BRD8: variants seen among roughly 807,000 people sequenced by gnomAD.
The protein encoded by BRD8 is bromodomain containing 8.
In BRD8, 67 loss-of-function variants were observed where a neutral mutation model predicts 143.1. The observed-to-expected ratio is 0.47, with a 90% CI of 0.38 to 0.57. The LOEUF (loss-of-function observed/expected upper bound fraction) is 0.57. Among genes scored for constraint, BRD8 ranks in the 20% least tolerant of loss-of-function variants. The pLI is 0.00. For synonymous variants in BRD8, 505 were observed against 517.1 expected, an observed-to-expected ratio of 0.98 and a Z score of 0.32; for missense variants, 1,103 against 1,503.0, an observed-to-expected ratio of 0.73 and a Z score of 4.40.
At position 138,177,610 on chromosome 5, in the gene BRD8, C is replaced by T; in HGVS notation, c.77G>A (p.Cys26Tyr). ...ACTTCTCATGACAGAAGATGCTAAA[C>T]ATAGCTTCTCTCGGATGGACCATGG... is the stretch of plus-strand genomic sequence containing the variant. ...TEPWSIREKLCLASSVMRSGD... is the reference protein window; with the variant it reads ...TEPWSIREKLYLASSVMRSGD... Residue 26 changes from cysteine to tyrosine, a missense_variant, in exon 2 of 27, where the codon TGT becomes TAT. Physicochemically the swap from Cys to Tyr is radical, Grantham distance 194. Coordinates refer to ENST00000254900, the MANE Select transcript of BRD8 (RefSeq NM_139199.2). The T allele has an allele frequency of 6.2e-7, 1 of 1,609,152 alleles. No individual in the cohort carries two copies. Among genetic ancestry groups the T allele is most frequent in the Non-Finnish European group, 8.5e-7 (1 of 1,178,430 alleles).
chr5:138,145,106 C>A, intron 25 of BRD8, 71 bp downstream of exon 25: 1 of 1,431,996 alleles, frequency 7.0e-7, no homozygotes, highest in Non-Finnish European at 9.6e-7. Context: ...AATAATCTAA[C>A]AGATGGGAAA....
chr5:138,178,396 C>T (rs1754539522), intron 1 of BRD8, among the ~76,000 whole-genome samples, 200 bp downstream of exon 1: 1 of 152,166 alleles, frequency 6.6e-6, no homozygotes, highest in Admixed American at 6.5e-5. Context: ...CTCACACCTC[C>T]GCTCTCTCCC....
At chr5:138,144,497 G>C (rs942820599) in intron 25 of BRD8, among the ~76,000 whole-genome samples, 2 of 152,144 alleles carry the variant, frequency 1.3e-5, no homozygotes, top group Admixed American at 6.6e-5. Context: ...CATTTGGATC[G>C]ACATCTGTGC....
intron 18 of BRD8, among the ~76,000 whole-genome samples, chr5:138,160,381 T>A (rs574866425): frequency 1.8e-4 from 28 of 152,296 alleles, no homozygotes; most frequent in African/African-American, 6.0e-4. Flanking sequence ...TTTTTTGCTA[T>A]AACATAGGAT....
intron 20 of BRD8, among the ~76,000 whole-genome samples, chr5:138,153,601 A>C (rs1752450098): frequency 6.6e-6 from 1 of 151,522 alleles, no homozygotes; most frequent in Admixed American, 6.6e-5. Flanking sequence ...AATAAAAATC[A>C]CATTTCCTTT....
In BRD8 at chr5:138,177,814, T is replaced by G. The variant is rs1431969086; in HGVS notation, c.20-147A>C. 4 of 481,298 alleles carry G rather than the reference T, an allele frequency of 8.3e-6. No individual in the cohort carries two copies. In the Admixed American group the frequency reaches 1.4e-4, roughly 16 times the overall value. 29.8% of individuals were successfully genotyped at this position (481,298 alleles called of 1,614,324 possible). The stretch of plus-strand genomic sequence containing the variant: ...AAAGTGAGCTACTATAACCAAATCT[T>G]GATTTTCACCTCTCCAAGTGAAATA... On this transcript the variant is annotated intron_variant, in intron 1 of 26. Coordinates refer to ENST00000254900, the MANE Select transcript of BRD8 (RefSeq NM_139199.2).
chr5:138,142,170 G>T (rs1369278993), intron 25 of BRD8, among the ~76,000 whole-genome samples: 1 of 152,094 alleles, frequency 6.6e-6, no homozygotes, highest in Non-Finnish European at 1.5e-5. Flanking sequence ...TGTCCCTTCT[G>T]CCATGTGAGG....
chr5:138,157,959 A>G (rs1392681597), intron 20 of BRD8: 3 of 152,218 alleles, frequency 2.0e-5, no homozygotes, highest in African/African-American at 7.2e-5. Flanking sequence ...GCCTGTAGGC[A>G]AGATGAATTA....
intron 9 of BRD8, chr5:138,167,091 C>CAAAAAAA (rs60506064): frequency 1.3e-3 from 49 of 36,912 alleles, no homozygotes; most frequent in South Asian, 2.9e-3. Flanking sequence ...ACTAAAAATA[C>CAAAAAAA]AAAAAAAAAA....
Position 138,150,914 on chromosome 5 carries a change from A to G in BRD8, c.2951T>C (p.Ile984Thr), listed in dbSNP as rs200595066. ...CTCCCTTTCTCCTTCGCTAGCTTTA[A>G]TTTCCCTTCCTTCTTGTCTGGTACC... Reference protein sequence around the residue: ...PSGTRQEGREIKASEGERELC... With the variant: ...PSGTRQEGRETKASEGERELC... The change falls in exon 22 of 27, where the codon ATT (isoleucine) becomes ACT (threonine). Residue 984 changes from isoleucine (I) to threonine (T), a missense_variant. Transcript: ENST00000254900. 141 of 1,613,904 alleles carry G rather than the reference A, an allele frequency of 8.7e-5. No individual in the cohort carries two copies. The highest frequency in any genetic ancestry group is 1.2e-4 in the Non-Finnish European group (137 of 1,180,010).
chr5:138,155,882 A>G (rs181232703), intron 20 of BRD8, among the ~76,000 whole-genome samples: 38 of 151,780 alleles, frequency 2.5e-4, no homozygotes, highest in Non-Finnish European at 4.4e-4. Flanking sequence ...GTTAAGAACT[A>G]TATTTATTTG....
At chr5:138,149,847 A>C in intron 22 of BRD8, 50 bp from the exon 23 acceptor site, 2 of 1,543,476 alleles carry the variant, frequency 1.3e-6, no homozygotes, top group Non-Finnish European at 1.7e-6. Context: ...TACTTTCTGC[A>C]TAGTAATTTT....
intron 2 of BRD8, chr5:138,172,665 CAAAAAAAAAAAAAAA>C (rs147364810): frequency 1.9e-4 from 42 of 216,692 alleles, no homozygotes; most frequent in Middle Eastern, 3.2e-3. Context: ...CCCATCCCTA[CAAAAAAAAAAAAAAA>C]AAAAAAAAAA....
At chr5:138,148,774 T>G (rs1752267025) in intron 23 of BRD8, among the ~76,000 whole-genome samples, 1 of 151,988 alleles carries the variant, frequency 6.6e-6, no homozygotes, top group Non-Finnish European at 1.5e-5. Flanking sequence ...TTAAAAGAGG[T>G]ATAGTTTGGG....
intron 20 of BRD8, among the ~76,000 whole-genome samples, chr5:138,158,990 T>A (rs1400435948): frequency 6.8e-6 from 1 of 147,414 alleles, no homozygotes; most frequent in Non-Finnish European, 1.5e-5. Context: ...AGGGTCTCCC[T>A]ACGTTGCCCA....
chr5:138,165,773 A>T, intron 11 of BRD8, 55 bp downstream of exon 11: 1 of 1,524,604 alleles, frequency 6.6e-7, no homozygotes, highest in South Asian at 1.3e-5. Flanking sequence ...TGAGGCTGAA[A>T]AGAGAAGCCT....
chr5:138,160,502 C>T (rs963427566), intron 18 of BRD8, among the ~76,000 whole-genome samples: 3 of 152,092 alleles, frequency 2.0e-5, no homozygotes. Flanking sequence ...CAATATTCTT[C>T]CAAGTTCAAC....
In BRD8 at chr5:138,163,169, AGTGT is replaced by A. The variant is rs1333464897; in HGVS notation, c.2044_2047del (p.Thr682TrpfsTer58). Reference sequence around the variant, plus strand: ...AGGGCTGCTGGGGATGGAGTCTGCCAGTGTGTGTGACTGCAGTGTAGCATTGTGT... The same window carrying A: ...AGGGCTGCTGGGGATGGAGTCTGCCAGTGTGACTGCAGTGTAGCATTGTGT... On this transcript the variant is annotated frameshift_variant, in exon 15 of 27. Transcript: ENST00000254900. LOFTEE classifies it high-confidence loss of function. 6.2e-7 allele frequency: 1 copy of A among 1,613,992 alleles called. No individual in the cohort carries two copies. Among genetic ancestry groups the A allele is most frequent in the African/African-American group, 1.3e-5 (1 of 74,894 alleles).
Position 138,168,083 on chromosome 5 carries a change from C to G in BRD8, c.643-5G>C, listed in dbSNP as rs1439449375. On this transcript the variant is annotated splice_region_variant and splice_polypyrimidine_tract_variant and intron_variant, in intron 8 of 26. Transcript: ENST00000254900. ...AGCCATTTCACTCTCATTGACCTACCAGGGAAGAATAGAGGTGAAGGCTAC... is the reference window on the plus strand; with the variant it reads ...AGCCATTTCACTCTCATTGACCTACGAGGGAAGAATAGAGGTGAAGGCTAC... 1.9e-6 allele frequency: 3 copies of G among 1,608,408 alleles called. No individual in the cohort carries two copies. The highest frequency in any genetic ancestry group is 2.6e-6 in the Non-Finnish European group (3 of 1,176,234).
Sources: gnomAD v4.1 joint callset for allele counts (sites outside exome capture counted in the v4.1 genomes callset) on GRCh38, gnomAD v4.1.1 for gene constraint, MANE v1.5 for transcripts, NCBI Gene and HGNC (gene_info 2026-07-23, HGNC 2026-07-21) for gene names.